PLPP1: variants seen among roughly 807,000 people sequenced by gnomAD.
PLPP1 encodes lipid phosphate phosphohydrolase 1a.
In PLPP1, 24 loss-of-function variants were observed where a neutral mutation model predicts 31.2. The observed-to-expected ratio is 0.77, with a 90% CI of 0.56 to 1.08. The LOEUF is 1.08. PLPP1 is among the 50% of genes least tolerant of loss of function. The probability of loss-of-function intolerance (pLI) is 0.00; values close to 1 mark genes in which losing one functional copy is unlikely to be tolerated. For synonymous variants in PLPP1, 146 were observed against 126.3 expected (o/e 1.16, Z -1.05); for missense variants, 319 against 342.7 (o/e 0.93, Z 0.55).
chr5:55,515,320 C>T (rs186532738), intron 1 of PLPP1, among the ~76,000 whole-genome samples: 354 of 152,284 alleles, frequency 2.3e-3, no homozygotes, highest in African/African-American at 8.2e-3. Flanking sequence ...ACTATGATCC[C>T]AGACTATTCA....
chr5:55,434,525 T>C (rs1168028453), intron 4 of PLPP1, among the ~76,000 whole-genome samples: 1 of 152,122 alleles, frequency 6.6e-6, no homozygotes, highest in Non-Finnish European at 1.5e-5. Context: ...CTACCTGACT[T>C]CATATTACAA....
At chr5:55,462,990 A>G (rs1752200504) in intron 3 of PLPP1, among the ~76,000 whole-genome samples, 1 of 152,086 alleles carries the variant, frequency 6.6e-6, no homozygotes. Flanking sequence ...AAAGAAAAAG[A>G]AAAAGAAAGC....
intron 3 of PLPP1, among the ~76,000 whole-genome samples, chr5:55,467,424 G>T (rs970544491): frequency 5.3e-5 from 8 of 151,914 alleles, no homozygotes; most frequent in African/African-American, 1.7e-4. Flanking sequence ...GGTGGCTCAT[G>T]CCTGTTACCC....
chr5:55,445,088 T>C lies in PLPP1; in HGVS notation c.492-3180A>G, dbSNP rs2111720796. Among the ~76,000 whole-genome samples the C allele has an allele frequency of 1.3e-5, 2 of 152,240 alleles. 1 individual carries two copies. The highest frequency in any genetic ancestry group is 4.1e-4 in the South Asian group (2 of 4,824). On this transcript the variant is annotated intron_variant, in intron 3 of 5. Coordinates refer to ENST00000307259, the MANE Select transcript of PLPP1 (RefSeq NM_003711.4). ...CAAATGGCAACTTTATGATGTTTTTTTCCTCACATTTGCCAGCCAGGGCAC... is the reference window on the plus strand; with the variant it reads ...CAAATGGCAACTTTATGATGTTTTTCTCCTCACATTTGCCAGCCAGGGCAC...
chr5:55,434,751 C>T (rs1751453118), intron 4 of PLPP1, among the ~76,000 whole-genome samples: 1 of 152,066 alleles, frequency 6.6e-6, no homozygotes. Context: ...ACCCCTATCT[C>T]TCAAGTAAGT....
Position 55,473,997 on chromosome 5 carries a change from G to GTTTTTGTTTTTTTTTTT in PLPP1, c.210+1301_210+1302insAAAAAAAAAAACAAAAA, listed in dbSNP as rs1554039230. Among the ~76,000 whole-genome samples, 2 of 28,036 alleles carry GTTTTTGTTTTTTTTTTT rather than the reference G, an allele frequency of 7.1e-5. 1 individual carries two copies. Among genetic ancestry groups the GTTTTTGTTTTTTTTTTT allele is most frequent in the African/African-American group, 1.8e-4 (2 of 10,936 alleles). The allele number at this position is 28,036 out of a possible 152,430, so 18.4% of individuals were successfully genotyped here. On this transcript the variant is annotated intron_variant, in intron 2 of 5. Transcript: ENST00000307259. ...TTTCTGGTTTTTTTGTTTGTTTGTTGTTTTTTTTTTTTTTTTCCAGACGGA... is the reference window on the plus strand; with the variant it reads ...TTTCTGGTTTTTTTGTTTGTTTGTTGTTTTTGTTTTTTTTTTTTTTTTTTTTTTTTTTTCCAGACGGA...
intron 4 of PLPP1, among the ~76,000 whole-genome samples, chr5:55,436,108 G>A (rs1176536190): frequency 6.6e-6 from 1 of 151,836 alleles, no homozygotes; most frequent in Non-Finnish European, 1.5e-5. Flanking sequence ...AGGACACCAA[G>A]CATCACATTG....
intron 1 of PLPP1, among the ~76,000 whole-genome samples, chr5:55,492,843 G>C (rs1390579121): frequency 3.3e-5 from 5 of 152,168 alleles, no homozygotes; most frequent in African/African-American, 9.7e-5. Context: ...GCTGAAACTA[G>C]GAAGTGGTGG....
intron 3 of PLPP1, among the ~76,000 whole-genome samples, chr5:55,454,185 C>A (rs1475353244): frequency 6.6e-6 from 1 of 152,038 alleles, no homozygotes; most frequent in East Asian, 1.9e-4. Context: ...CAAAACATTG[C>A]TTCTGAGTTG....
intron 1 of PLPP1, among the ~76,000 whole-genome samples, chr5:55,496,377 T>A (rs185791554): frequency 6.6e-6 from 1 of 152,172 alleles, no homozygotes; most frequent in Non-Finnish European, 1.5e-5. Flanking sequence ...TTTAAAACTA[T>A]GTAATAACCG....
intron 4 of PLPP1, among the ~76,000 whole-genome samples, chr5:55,433,293 T>C (rs1192055873): frequency 6.8e-6 from 1 of 147,746 alleles, no homozygotes; most frequent in African/African-American, 2.5e-5. Flanking sequence ...GTCACTGCAC[T>C]CCAGCCTGGG....
chr5:55,526,931 CAAAAAAAAAAAAAA>C lies in PLPP1; in HGVS notation c.58+7627_58+7640del, dbSNP rs34267008. 4.0e-4 allele frequency among the ~76,000 whole-genome samples: 30 copies of C among 75,530 alleles called. 1 individual carries two copies. The highest frequency in any genetic ancestry group is 2.5e-4 in the Non-Finnish European group (11 of 43,684). The allele number at this position is 75,530 out of a possible 152,430, so 49.6% of individuals were successfully genotyped here. A position where few individuals can be genotyped will look rare whatever the true frequency, so the allele number is the denominator to read the frequency against. On this transcript the variant is annotated intron_variant, in intron 1 of 5. Coordinates refer to ENST00000307259, the MANE Select transcript of PLPP1 (RefSeq NM_003711.4). ...TGGGCGACAGAGCGAGATTCCATCT[CAAAAAAAAAAAAAA>C]AAAAAAAAAGTTAAATAGAAGAAAC...
At chr5:55,466,018 AT>A (rs1406611541) in intron 3 of PLPP1, among the ~76,000 whole-genome samples, 1 of 152,188 alleles carries the variant, frequency 6.6e-6, no homozygotes, top group Non-Finnish European at 1.5e-5. Flanking sequence ...CCTCAAAGCC[AT>A]TTCTGGACCA....
chr5:55,514,381 C>A (rs1003757882), intron 1 of PLPP1, among the ~76,000 whole-genome samples: 1 of 111,660 alleles, frequency 9.0e-6, no homozygotes, highest in African/African-American at 3.0e-5. Flanking sequence ...GTGAGGAAGA[C>A]CTGGTCTCAA....
chr5:55,457,464 T>C (rs1259235784), intron 3 of PLPP1, among the ~76,000 whole-genome samples: 1 of 152,198 alleles, frequency 6.6e-6, no homozygotes, highest in East Asian at 1.9e-4. Context: ...TTTTATACCA[T>C]TTTAAATAAA....
At chr5:55,494,940 G>A (rs1486372458) in intron 1 of PLPP1, among the ~76,000 whole-genome samples, 6 of 132,380 alleles carry the variant, frequency 4.5e-5, no homozygotes, top group East Asian at 2.1e-4. Context: ...CCAACATGGC[G>A]AAACCCTGTC....
At chr5:55,444,743 T>TGTGTGTGTGTGTGTGTG (rs368045819) in intron 3 of PLPP1, among the ~76,000 whole-genome samples, 15,170 of 137,176 alleles carry the variant, frequency 0.11, 1,314 homozygotes, top group South Asian at 0.15. Flanking sequence ...GGATTCTATT[T>TGTGTGTGTGTGTGTGTG]TGTGTGTGTG....
chr5:55,466,071 C>T (rs912702189), intron 3 of PLPP1, among the ~76,000 whole-genome samples: 6 of 152,208 alleles, frequency 3.9e-5, no homozygotes, highest in Admixed American at 2.6e-4. Context: ...TTCACCTGAG[C>T]TCAAATCAAC....
chr5:55,518,080 G>A (rs1293976079), intron 1 of PLPP1, among the ~76,000 whole-genome samples: 1 of 152,124 alleles, frequency 6.6e-6, no homozygotes, highest in African/African-American at 2.4e-5. Context: ...TGATCCGCCT[G>A]CCTCGGCCTC....
Sources: gnomAD v4.1 joint callset for allele counts (sites outside exome capture counted in the v4.1 genomes callset) on GRCh38, gnomAD v4.1.1 for gene constraint, MANE v1.5 for transcripts, NCBI Gene and HGNC (gene_info 2026-07-23, HGNC 2026-07-21) for gene names.